The following PLA2G4D variants were observed in gnomAD, a reference collection of about 807,000 sequenced individuals.
The protein encoded by PLA2G4D is cytosolic phospholipase A2 delta.
Under a neutral mutation model 94.4 loss-of-function variants are expected in PLA2G4D, and 80 were observed. That is an observed-to-expected ratio of 0.85 (90% confidence interval 0.71 to 1.02). PLA2G4D has a LOEUF of 1.02. Among genes scored for constraint, PLA2G4D ranks in the 50% least tolerant of loss-of-function variants. The pLI is 0.00. For missense variants in PLA2G4D, 1,050 were observed against 1,034.7 expected (o/e 1.01, Z -0.20); for synonymous variants, 438 against 440.9 (o/e 0.99, Z 0.08).
intron 13 of PLA2G4D, among the ~76,000 whole-genome samples, chr15:42,075,055 C>T (rs557775086): frequency 6.6e-6 from 1 of 152,310 alleles, no homozygotes; most frequent in African/African-American, 2.4e-5. Flanking sequence ...TCCTCAGTAG[C>T]TGGGACTACA....
At position 42,083,769 on chromosome 15, in the gene PLA2G4D, A is replaced by C. The variant is rs200568447; in HGVS notation, c.482T>G (p.Leu161Arg). 105 of 1,613,822 alleles carry C rather than the reference A, an allele frequency of 6.5e-5. 1 individual carries two copies. The East Asian group carries it at 1.5e-3, about 23-fold the overall frequency. The change falls in exon 7 of 20, where the codon CTG becomes CGG. Residue 161 changes from leucine (L) to arginine (R), a missense_variant. Transcript: ENST00000290472. ...GTCCAGATGCACATCCAGGCATGAC[A>C]GCTCTCGGGCCTGGGGAAGACCACA... The part of the protein sequence containing the change: ...ITNKVIVARE[L>R]SCLDVHLDST...
chr15:42,075,585 A>G (rs901940846), intron 13 of PLA2G4D, among the ~76,000 whole-genome samples: 1 of 152,190 alleles, frequency 6.6e-6, no homozygotes, highest in Non-Finnish European at 1.5e-5. Context: ...AGGTGATTCT[A>G]TCATATAATT....
intron 6 of PLA2G4D, 92 bp from the exon 7 acceptor site, chr15:42,083,871 A>T (rs1188501918): frequency 7.9e-7 from 1 of 1,267,534 alleles, no homozygotes; most frequent in African/African-American, 1.5e-5. Context: ...TCCCAAATCC[A>T]CCACACACAC....
chr15:42,074,611 G>T (rs976320717), intron 13 of PLA2G4D, among the ~76,000 whole-genome samples: 25 of 152,092 alleles, frequency 1.6e-4, no homozygotes, highest in Admixed American at 1.6e-3. Flanking sequence ...GACTAATAAA[G>T]TCATTCTGAG....
rs551480217 is a variant in PLA2G4D at position 42,090,747 on chromosome 15, G to C, written c.46-3047C>G. On this transcript the variant is annotated intron_variant, in intron 1 of 19. Transcript: ENST00000290472. ...AGGCTTTTGTTTTACCTGGGAGCTA[G>C]ACCTAGAGGAGGCTGAGGGAAAAGG... 2.0e-5 allele frequency among the ~76,000 whole-genome samples: 3 copies of C among 152,336 alleles called. No homozygotes were observed. In the East Asian group the frequency reaches 5.8e-4, roughly 29 times the overall value.
At chr15:42,082,813 G>A (rs887601847) in intron 8 of PLA2G4D, among the ~76,000 whole-genome samples, 1 of 152,176 alleles carries the variant, frequency 6.6e-6, no homozygotes, top group Non-Finnish European at 1.5e-5. Context: ...GGACAGGAGA[G>A]CACTTGGCAT....
chr15:42,086,879 C>T (rs927721383), intron 3 of PLA2G4D, among the ~76,000 whole-genome samples: 3 of 152,088 alleles, frequency 2.0e-5, no homozygotes, highest in African/African-American at 7.2e-5. Flanking sequence ...ACATAAAAGT[C>T]TGTCAAATAA....
rs541905992 is a variant in PLA2G4D at position 42,083,388 on chromosome 15, C to T, written c.536-54G>A. 552 of 1,570,956 alleles carry T rather than the reference C, an allele frequency of 3.5e-4. 2 individuals are homozygous for T. Among genetic ancestry groups the T allele is most frequent in the Non-Finnish European group, 4.2e-4 (492 of 1,162,552 alleles). The stretch of plus-strand genomic sequence containing the variant: ...AGAACAAGAGCCCGGAACCCCAGCT[C>T]GGACCTGGGACAGCAGCACCACCAC... On this transcript the variant is annotated intron_variant, in intron 7 of 19. Coordinates refer to ENST00000290472, the MANE Select transcript of PLA2G4D (RefSeq NM_178034.4).
intron 4 of PLA2G4D, 92 bp downstream of exon 4, chr15:42,086,121 C>A: frequency 7.4e-7 from 1 of 1,350,728 alleles, no homozygotes; most frequent in Non-Finnish European, 1.0e-6. Context: ...TTCACCCCAG[C>A]AGCCTCCCAA....
In PLA2G4D at chr15:42,072,347, C is replaced by A; in HGVS notation, c.1363G>T (p.Gly455Cys). The change falls in exon 14 of 20, where the codon GGT becomes TGT. Residue 455 changes from glycine (G) to cysteine (C), a missense_variant. Gly to Cys is a radical substitution (Grantham distance 159). Coordinates refer to ENST00000290472, the MANE Select transcript of PLA2G4D (RefSeq NM_178034.4). Reference sequence around the variant, plus strand: ...AAGTAGAGGGGCAGAGGGTTCTGACCCCGTTCCAGGGCGGCTCTCTGTCCT... The same window carrying A: ...AAGTAGAGGGGCAGAGGGTTCTGACACCGTTCCAGGGCGGCTCTCTGTCCT... ...LSGQRAALER[G>C]QNPLPLYLSL... 1 of 1,613,614 alleles carries A rather than the reference C, an allele frequency of 6.2e-7. No individual in the cohort carries two copies. Among genetic ancestry groups the A allele is most frequent in the Non-Finnish European group, 8.5e-7 (1 of 1,179,970 alleles).
intron 3 of PLA2G4D, among the ~76,000 whole-genome samples, chr15:42,086,649 G>A (rs1352627416): frequency 2.0e-5 from 3 of 151,976 alleles, no homozygotes; most frequent in South Asian, 2.1e-4. Context: ...TCGAGAGTTC[G>A]AGACCAGCCT....
chr15:42,083,486 G>A (rs1388811691), intron 7 of PLA2G4D, 152 bp from the exon 8 acceptor site: 3 of 1,285,628 alleles, frequency 2.3e-6, no homozygotes, highest in African/African-American at 3.0e-5. Context: ...CCCAGCCCAA[G>A]GGGCCCCACA....
intron 14 of PLA2G4D, 66 bp from the exon 15 acceptor site, chr15:42,071,977 C>T (rs1161434396): frequency 5.8e-6 from 9 of 1,562,410 alleles, no homozygotes; most frequent in Admixed American, 5.5e-5. Flanking sequence ...CCAGCTCTGG[C>T]GAAAGACACT....
At chr15:42,075,259 T>C (rs112290953) in intron 13 of PLA2G4D, among the ~76,000 whole-genome samples, 171 of 152,382 alleles carry the variant, frequency 1.1e-3, no homozygotes, top group Middle Eastern at 6.8e-3. Context: ...CATTAAGTCA[T>C]TACTGGAGTA....
In PLA2G4D at chr15:42,068,565, G is replaced by T; in HGVS notation, c.*150C>A. ...GAACGTAAGAGAGAAGTCTGTGTGT[G>T]CAGTTCCCTCTGGGCAGTGAGACCA... On this transcript the variant is annotated 3_prime_UTR_variant, in exon 20 of 20. Coordinates refer to ENST00000290472, the MANE Select transcript of PLA2G4D (RefSeq NM_178034.4). The T allele has an allele frequency of 3.0e-6, 2 of 674,950 alleles. No homozygotes were observed. Among genetic ancestry groups the T allele is most frequent in the Non-Finnish European group, 5.0e-6 (2 of 403,234 alleles). The allele number at this position is 674,950 out of a possible 1,614,324, so 41.8% of individuals were successfully genotyped here.
intron 18 of PLA2G4D, 118 bp from the exon 19 acceptor site, chr15:42,070,213 T>C (rs575572738): frequency 6.6e-6 from 7 of 1,062,208 alleles, no homozygotes; most frequent in South Asian, 3.8e-5. Flanking sequence ...GTCCTGTTTG[T>C]GGTCGGGCCA....
chr15:42,090,787 C>A (rs539336040), intron 1 of PLA2G4D, among the ~76,000 whole-genome samples: 2 of 152,282 alleles, frequency 1.3e-5, no homozygotes, highest in South Asian at 2.1e-4. Context: ...AGGGGTACAG[C>A]CTTCGCCAGG....
intron 9 of PLA2G4D, 37 bp from the exon 10 acceptor site, chr15:42,081,871 T>A: frequency 1.9e-6 from 3 of 1,607,782 alleles, no homozygotes; most frequent in Non-Finnish European, 2.6e-6. Flanking sequence ...CAGACCCTCC[T>A]AGACCCTAAG....
At chr15:42,072,732 T>C (rs925081244) in intron 13 of PLA2G4D, among the ~76,000 whole-genome samples, 4 of 152,184 alleles carry the variant, frequency 2.6e-5, no homozygotes, top group African/African-American at 7.2e-5. Context: ...CAAGGACACA[T>C]GCACACATCC....
Sources: allele counts gnomAD v4.1 joint callset (sites outside exome capture counted in the v4.1 genomes callset), GRCh38; gene constraint gnomAD v4.1.1; transcripts MANE v1.5; gene names NCBI Gene and HGNC (gene_info 2026-07-23, HGNC 2026-07-21).